FARS2: variants seen among roughly 807,000 people sequenced by gnomAD.
FARS2 encodes the protein phenylalanine--tRNA ligase, mitochondrial.
A neutral mutation model predicts 46.4 loss-of-function variants in FARS2; 40 were observed. The ratio of observed to expected loss-of-function variants is 0.86; its 90% CI spans 0.67 to 1.12. The LOEUF (loss-of-function observed/expected upper bound fraction) is 1.12, where lower values mean the gene tolerates loss of function less well. FARS2 is among the 50% of genes most tolerant of loss of function. The pLI is 0.00. For missense variants in FARS2, 513 were observed against 567.9 expected, an observed-to-expected ratio of 0.90 and a Z score of 0.98; for synonymous variants, 234 against 214.9, an observed-to-expected ratio of 1.09 and a Z score of -0.78.
At chr6:5,282,628 C>T (rs1319454534) in intron 1 of FARS2, among the ~76,000 whole-genome samples, 1 of 152,216 alleles carries the variant, frequency 6.6e-6, no homozygotes, top group African/African-American at 2.4e-5. Context: ...GGGCTTGGGC[C>T]CGTGTGGAGC....
At chr6:5,732,331 G>A (rs1760684768) in intron 6 of FARS2, among the ~76,000 whole-genome samples, 1 of 152,080 alleles carries the variant, frequency 6.6e-6, no homozygotes, top group Non-Finnish European at 1.5e-5. Flanking sequence ...AGTGACCCAG[G>A]TGTGTTCAGC....
At chr6:5,331,407 G>A (rs1770791912) in intron 1 of FARS2, among the ~76,000 whole-genome samples, 1 of 152,192 alleles carries the variant, frequency 6.6e-6, no homozygotes. Flanking sequence ...AGCCTGCCAA[G>A]TTATACCCCT....
At chr6:5,643,304 G>A (rs1449612357) in intron 6 of FARS2, among the ~76,000 whole-genome samples, 3 of 152,114 alleles carry the variant, frequency 2.0e-5, no homozygotes, top group Non-Finnish European at 2.9e-5. Context: ...ATCAATGAGC[G>A]CTGCCACAGC....
intron 6 of FARS2, 32 bp from the exon 7 acceptor site, chr6:5,771,259 C>T (rs760473865): frequency 2.5e-5 from 40 of 1,613,402 alleles, no homozygotes; most frequent in Middle Eastern, 1.7e-4. Flanking sequence ...TTGTTCATCC[C>T]GCACTCACCT....
At chr6:5,588,548 T>C (rs1490108413) in intron 5 of FARS2, among the ~76,000 whole-genome samples, 1 of 152,196 alleles carries the variant, frequency 6.6e-6, no homozygotes, top group African/African-American at 2.4e-5. Context: ...CTCCCTCCCC[T>C]GCCAGCTTGC....
At position 5,598,616 on chromosome 6, in the gene FARS2, G is replaced by C. The variant is rs75330095; in HGVS notation, c.1066-14553G>C. On this transcript the variant is annotated intron_variant, in intron 5 of 6. Transcript: ENST00000274680. ...GTACAAAACAATGCTTCCAACACAGGCATAAGGTGAATGTCTACTGGGGGG... is the reference window on the plus strand; with the variant it reads ...GTACAAAACAATGCTTCCAACACAGCCATAAGGTGAATGTCTACTGGGGGG... Among the ~76,000 whole-genome samples the C allele has an allele frequency of 5.6e-3, 846 of 152,282 alleles. 8 individuals carry two copies. The highest frequency in any genetic ancestry group is 0.017 in the African/African-American group (715 of 41,562).
At chr6:5,524,472 T>C (rs1769340180) in intron 4 of FARS2, among the ~76,000 whole-genome samples, 1 of 152,262 alleles carries the variant, frequency 6.6e-6, no homozygotes, top group African/African-American at 2.4e-5. Context: ...ATGAGTGATT[T>C]GTTCACAGTG....
At chr6:5,767,120 A>C (rs1363891315) in intron 6 of FARS2, among the ~76,000 whole-genome samples, 1 of 151,666 alleles carries the variant, frequency 6.6e-6, no homozygotes, top group Admixed American at 6.6e-5. Context: ...CAGTGGGGCG[A>C]TCTCCACTCA....
intron 4 of FARS2, chr6:5,431,665 A>G (rs1315617150): frequency 5.6e-6 from 3 of 533,190 alleles, no homozygotes; most frequent in Admixed American, 3.9e-5. Context: ...CTCCCTCTGC[A>G]TAGGCGGCGC....
chr6:5,646,946 G>T (rs1382750827), intron 6 of FARS2, among the ~76,000 whole-genome samples: 18 of 152,060 alleles, frequency 1.2e-4, no homozygotes, highest in Admixed American at 1.0e-3. Context: ...TCCTTGTAAA[G>T]ATTTTCATCA....
intron 4 of FARS2, among the ~76,000 whole-genome samples, chr6:5,512,490 T>A (rs989430121): frequency 2.6e-5 from 4 of 152,144 alleles, no homozygotes; most frequent in African/African-American, 9.7e-5. Context: ...CTTTTGGGTG[T>A]CTTTATGAAG....
At chr6:5,324,959 C>T (rs1770257869) in intron 1 of FARS2, among the ~76,000 whole-genome samples, 1 of 152,124 alleles carries the variant, frequency 6.6e-6, no homozygotes, top group African/African-American at 2.4e-5. Context: ...GAGTTTTTAG[C>T]AAGCTCTGGC....
chr6:5,358,307 A>G (rs1758067036), intron 1 of FARS2, among the ~76,000 whole-genome samples: 2 of 152,054 alleles, frequency 1.3e-5, no homozygotes, highest in South Asian at 4.1e-4. Flanking sequence ...TTATATATAT[A>G]TGTACATAGT....
chr6:5,329,078 A>G, intron 1 of FARS2, among the ~76,000 whole-genome samples: 1 of 151,722 alleles, frequency 6.6e-6, no homozygotes, highest in East Asian at 1.9e-4. Context: ...TGTTTCAGTG[A>G]TAGTGTAGCC....
intron 1 of FARS2, among the ~76,000 whole-genome samples, chr6:5,264,160 T>C (rs1318496981): frequency 6.6e-6 from 1 of 152,120 alleles, no homozygotes; most frequent in Non-Finnish European, 1.5e-5. Context: ...GGTGGGAGGA[T>C]TGCTTGAGCC....
chr6:5,300,513 C>T (rs961257538), intron 1 of FARS2, among the ~76,000 whole-genome samples: 1 of 152,186 alleles, frequency 6.6e-6, no homozygotes, highest in African/African-American at 2.4e-5. Flanking sequence ...GGGAATGTAG[C>T]TCTCTTCTCA....
intron 1 of FARS2, among the ~76,000 whole-genome samples, chr6:5,290,126 G>A (rs1767400731): frequency 6.6e-6 from 1 of 152,164 alleles, no homozygotes. Context: ...TGAAACTACA[G>A]GAAAGTTGAT....
intron 4 of FARS2, among the ~76,000 whole-genome samples, chr6:5,470,405 T>C (rs1765746735): frequency 6.6e-6 from 1 of 152,208 alleles, no homozygotes; most frequent in Admixed American, 6.5e-5. Flanking sequence ...GTTTTGGTAT[T>C]TGCAGGGTGT....
intron 5 of FARS2, among the ~76,000 whole-genome samples, chr6:5,569,102 A>G (rs1053698037): frequency 6.6e-6 from 1 of 152,138 alleles, no homozygotes; most frequent in Non-Finnish European, 1.5e-5. Context: ...TAATCACAGT[A>G]GGTAAACATG....
Sources: allele counts gnomAD v4.1 joint callset (sites outside exome capture counted in the v4.1 genomes callset), GRCh38; gene constraint gnomAD v4.1.1; transcripts MANE v1.5; gene names NCBI Gene and HGNC (gene_info 2026-07-23, HGNC 2026-07-21).